PRKN: variants seen among roughly 807,000 people sequenced by gnomAD.
PRKN encodes E3 ubiquitin-protein ligase parkin.
A neutral mutation model predicts 59.5 loss-of-function variants in PRKN; 56 were observed. The ratio of observed to expected loss-of-function variants is 0.94; its 90% CI spans 0.76 to 1.18. The LOEUF is 1.18. PRKN is among the 50% of genes most tolerant of loss of function. PRKN has a pLI of 0.00. For missense variants in PRKN, 657 were observed against 596.4 expected (o/e 1.10, Z -1.06); for synonymous variants, 250 against 222.1 (o/e 1.13, Z -1.12).
At chr6:162,138,939 A>G (rs1420931761) in intron 4 of PRKN, among the ~76,000 whole-genome samples, 2 of 152,304 alleles carry the variant, frequency 1.3e-5, no homozygotes, top group Admixed American at 1.3e-4. Flanking sequence ...CATCCAAGCA[A>G]GGAAATAACA....
At chr6:162,187,329 T>C (rs1244394681) in intron 4 of PRKN, among the ~76,000 whole-genome samples, 1 of 152,150 alleles carries the variant, frequency 6.6e-6, no homozygotes, top group East Asian at 1.9e-4. Context: ...GAGATAAAGT[T>C]TGCTTTTCAC....
intron 7 of PRKN, among the ~76,000 whole-genome samples, chr6:161,635,016 C>T (rs902342346): frequency 2.0e-5 from 3 of 152,156 alleles, no homozygotes; most frequent in East Asian, 1.9e-4. Context: ...ACGGTGAGGC[C>T]GATGCTCCTT....
At chr6:162,695,182 G>C (rs1777923594) in intron 1 of PRKN, 1 of 152,054 alleles carries the variant, frequency 6.6e-6, no homozygotes, top group Non-Finnish European at 1.5e-5. Context: ...TATTCTCCAA[G>C]ACATTTAGCC....
At chr6:162,050,177 T>G (rs1196366641) in intron 5 of PRKN, among the ~76,000 whole-genome samples, 2 of 152,134 alleles carry the variant, frequency 1.3e-5, no homozygotes, top group African/African-American at 4.8e-5. Flanking sequence ...CTCCTGAAAA[T>G]CTATTTTATG....
intron 1 of PRKN, among the ~76,000 whole-genome samples, chr6:162,673,006 G>T (rs1412544215): frequency 1.3e-5 from 2 of 152,156 alleles, no homozygotes; most frequent in African/African-American, 2.4e-5. Context: ...CTGGAAAGAT[G>T]AAAATGGGAA....
Position 161,405,661 on chromosome 6 carries a change from C to A in PRKN, c.1084-18784G>T, listed in dbSNP as rs1449197422. ...AAATAAATAAATAAATTTGGGTCCA[C>A]CATAATCAGCATTTTGGGCCAGCTT... is the stretch of plus-strand genomic sequence containing the variant. On this transcript the variant is annotated intron_variant, in intron 9 of 11. Coordinates refer to ENST00000366898, the MANE Select transcript of PRKN (RefSeq NM_004562.3). The surrounding 1 kb of genome is among the most constrained non-coding windows in gnomAD (Gnocchi z 5.1). Among the ~76,000 whole-genome samples the A allele has an allele frequency of 6.6e-6, 1 of 150,880 alleles. No homozygotes were observed. Among genetic ancestry groups the A allele is most frequent in the African/African-American group, 2.4e-5 (1 of 41,046 alleles).
At chr6:162,578,232 A>C (rs1780641374) in intron 1 of PRKN, among the ~76,000 whole-genome samples, 1 of 152,166 alleles carries the variant, frequency 6.6e-6, no homozygotes, top group Admixed American at 6.5e-5. Flanking sequence ...CATGTACAAA[A>C]CTATGTGATA....
chr6:161,709,591 T>C (rs1220023084), intron 7 of PRKN, among the ~76,000 whole-genome samples: 1 of 152,196 alleles, frequency 6.6e-6, no homozygotes, highest in African/African-American at 2.4e-5. Context: ...GTGGGCCAAC[T>C]GGGTATGTAT....
chr6:162,021,168 A>AAT (rs1329536382), intron 5 of PRKN, among the ~76,000 whole-genome samples: 1 of 80,930 alleles, frequency 1.2e-5, no homozygotes, highest in Non-Finnish European at 2.3e-5. Flanking sequence ...ATATATATAA[A>AAT]ATATATGTGT....
intron 6 of PRKN, among the ~76,000 whole-genome samples, chr6:161,864,685 C>A (rs2128225416): frequency 6.6e-6 from 1 of 152,176 alleles, no homozygotes; most frequent in South Asian, 2.1e-4. Flanking sequence ...GAGACAGAAT[C>A]TCGCACTGTT....
chr6:161,787,235 C>T (rs1157937159), intron 6 of PRKN, among the ~76,000 whole-genome samples: 6 of 152,170 alleles, frequency 3.9e-5, no homozygotes, highest in Non-Finnish European at 8.8e-5. Context: ...TGTTATCCCA[C>T]TTACTTCAAA....
At chr6:162,463,141 T>C (rs1446960264) in intron 1 of PRKN, among the ~76,000 whole-genome samples, 3 of 152,156 alleles carry the variant, frequency 2.0e-5, no homozygotes, top group Non-Finnish European at 2.9e-5. Context: ...CTTGCTTTGA[T>C]ACAAAGGGTC....
rs1198278773 is a variant in PRKN at position 161,475,348 on chromosome 6, TGGTCATCAC to T, written c.1083+73497_1083+73505del. ...AGTATTCCCATTTGCGATTTGTTTT[TGGTCATCAC>T]GAGGAAGGAGGGTACTCATTCTCAT... is the stretch of plus-strand genomic sequence containing the variant. On this transcript the variant is annotated intron_variant, in intron 9 of 11. Transcript: ENST00000366898. The surrounding 1 kb of genome is among the most constrained non-coding windows in gnomAD (Gnocchi z 5.3). Among the ~76,000 whole-genome samples the T allele has an allele frequency of 6.6e-6, 1 of 152,240 alleles. No homozygotes were observed. The highest frequency in any genetic ancestry group is 1.9e-4 in the East Asian group (1 of 5,200).
intron 6 of PRKN, among the ~76,000 whole-genome samples, chr6:161,970,144 C>A (rs201490166): frequency 2.6e-5 from 4 of 152,022 alleles, no homozygotes; most frequent in East Asian, 1.9e-4. Context: ...CAGGCTCAAG[C>A]CGTTCTCCTG....
Position 161,544,542 on chromosome 6 carries a change from A to G in PRKN, c.1083+4312T>C, listed in dbSNP as rs1207581498. Among the ~76,000 whole-genome samples, 1 of 150,416 alleles carries G rather than the reference A, an allele frequency of 6.6e-6. No individual in the cohort carries two copies. The highest frequency in any genetic ancestry group is 1.5e-5 in the Non-Finnish European group (1 of 67,436). On this transcript the variant is annotated intron_variant, in intron 9 of 11. Coordinates refer to ENST00000366898, the MANE Select transcript of PRKN (RefSeq NM_004562.3). This position sits in a 1 kb window ranked among gnomAD's most constrained non-coding sequence, Gnocchi z 5.5. Reference sequence around the variant, plus strand: ...CATTCATTCATTCATTCATTCATTCATACATTTGATGAATGTTAAACACCA... The same window carrying G: ...CATTCATTCATTCATTCATTCATTCGTACATTTGATGAATGTTAAACACCA...
intron 6 of PRKN, among the ~76,000 whole-genome samples, chr6:161,950,556 T>C (rs1779949632): frequency 1.3e-5 from 2 of 151,982 alleles, no homozygotes; most frequent in African/African-American, 4.8e-5. Context: ...AAAAAAGTGG[T>C]TCTCTCTTTG....
At chr6:161,737,045 G>C (rs1431183424) in intron 7 of PRKN, among the ~76,000 whole-genome samples, 2 of 152,190 alleles carry the variant, frequency 1.3e-5, no homozygotes, top group Non-Finnish European at 2.9e-5. Flanking sequence ...GGCATTCACA[G>C]GCAGAAGAAA....
intron 1 of PRKN, among the ~76,000 whole-genome samples, chr6:162,666,850 A>G (rs1398436745): frequency 6.6e-6 from 1 of 152,132 alleles, no homozygotes; most frequent in Non-Finnish European, 1.5e-5. Flanking sequence ...GCTTATAACA[A>G]TCAGAGTTTC....
chr6:162,098,134 G>A (rs565016637), intron 4 of PRKN, among the ~76,000 whole-genome samples: 11 of 152,162 alleles, frequency 7.2e-5, no homozygotes, highest in Middle Eastern at 3.4e-3. Flanking sequence ...GCTTGTTAAT[G>A]TGGCTGGTGA....
Sources: allele counts gnomAD v4.1 joint callset (sites outside exome capture counted in the v4.1 genomes callset), GRCh38; gene constraint gnomAD v4.1.1; non-coding constraint Gnocchi (gnomAD v3.1); transcripts MANE v1.5; gene names NCBI Gene and HGNC (gene_info 2026-07-23, HGNC 2026-07-21).